Variants in GRIK2 observed in about 807,000 individuals in gnomAD.
The protein encoded by GRIK2 is glutamate receptor ionotropic, kainate 2.
Under a neutral mutation model 100.3 loss-of-function variants are expected in GRIK2, and 32 were observed. That is an observed-to-expected ratio of 0.32 (90% CI 0.24 to 0.43). GRIK2 has a LOEUF of 0.43. Among genes scored for constraint, GRIK2 ranks in the 20% least tolerant of loss-of-function variants. GRIK2 has a pLI of 1.00. For synonymous variants in GRIK2, 417 were observed against 389.4 expected, an observed-to-expected ratio of 1.07 and a Z score of -0.83; for missense variants, 843 against 1,114.9, an observed-to-expected ratio of 0.76 and a Z score of 3.47.
chr6:101,764,134 A>G (rs1777899155), intron 7 of GRIK2, among the ~76,000 whole-genome samples: 2 of 152,120 alleles, frequency 1.3e-5, no homozygotes, highest in Admixed American at 1.3e-4. Flanking sequence ...CTTATATGTC[A>G]GAGAATCTCA....
chr6:102,018,983 G>C (rs1321372830), intron 14 of GRIK2, among the ~76,000 whole-genome samples: 1 of 151,806 alleles, frequency 6.6e-6, no homozygotes, highest in African/African-American at 2.4e-5. Flanking sequence ...TCTGCGAAGG[G>C]GTTTGAAATA....
intron 11 of GRIK2, among the ~76,000 whole-genome samples, chr6:101,884,712 A>G (rs1372131860): frequency 1.3e-5 from 2 of 152,194 alleles, no homozygotes; most frequent in East Asian, 3.8e-4. Context: ...TTTTATTTCT[A>G]GAGTAAGACT....
At chr6:101,972,299 C>T (rs576383833) in intron 14 of GRIK2, among the ~76,000 whole-genome samples, 62 of 152,026 alleles carry the variant, frequency 4.1e-4, no homozygotes, top group African/African-American at 9.4e-4. Flanking sequence ...ACCGTTCTGA[C>T]GGGTGTGAGA....
chr6:102,022,020 A>G (rs957162913), intron 14 of GRIK2, among the ~76,000 whole-genome samples: 2 of 149,990 alleles, frequency 1.3e-5, no homozygotes, highest in Non-Finnish European at 3.0e-5. Flanking sequence ...AGATTTAGAT[A>G]TTAATATAAA....
chr6:101,718,196 C>A (rs540246089), intron 7 of GRIK2, among the ~76,000 whole-genome samples: 1 of 151,902 alleles, frequency 6.6e-6, no homozygotes, highest in East Asian at 1.9e-4. Flanking sequence ...TTTCACTTAT[C>A]TTATTCTAGT....
chr6:101,878,532 A>C (rs909800055), intron 11 of GRIK2, among the ~76,000 whole-genome samples: 1 of 151,970 alleles, frequency 6.6e-6, no homozygotes, highest in Non-Finnish European at 1.5e-5. Flanking sequence ...TCTAAACACA[A>C]TATACCTCAC....
At chr6:101,414,051 A>G (rs1452014648) in intron 2 of GRIK2, among the ~76,000 whole-genome samples, 1 of 129,402 alleles carries the variant, frequency 7.7e-6, no homozygotes, top group Non-Finnish European at 1.7e-5. Context: ...TGGTCTCTGC[A>G]TCAAGAAGGA....
At chr6:102,033,791 G>A (rs1053596622) in intron 14 of GRIK2, among the ~76,000 whole-genome samples, 6 of 151,342 alleles carry the variant, frequency 4.0e-5, no homozygotes, top group Admixed American at 2.6e-4. Context: ...GTGAGTTTAT[G>A]TTTTGTAAAA....
At chr6:101,802,560 ATAGT>A (rs1185978110) in intron 9 of GRIK2, 122 bp downstream of exon 9, 2 of 426,196 alleles carry the variant, frequency 4.7e-6, no homozygotes, top group African/African-American at 4.1e-5. Flanking sequence ...CTAAAAATAA[ATAGT>A]TAATTCATTA....
chr6:101,997,473 T>G (rs1794711348), intron 14 of GRIK2, among the ~76,000 whole-genome samples: 1 of 152,102 alleles, frequency 6.6e-6, no homozygotes, highest in African/African-American at 2.4e-5. Flanking sequence ...TCAATGTGAT[T>G]ATTAATTGTT....
chr6:101,822,942 A>T (rs767082942), intron 10 of GRIK2, among the ~76,000 whole-genome samples: 1 of 152,156 alleles, frequency 6.6e-6, no homozygotes, highest in Non-Finnish European at 1.5e-5. Flanking sequence ...TCAAAATAGC[A>T]TCTTGATTGA....
intron 2 of GRIK2, among the ~76,000 whole-genome samples, chr6:101,574,454 G>A (rs1216099436): frequency 6.7e-6 from 1 of 150,310 alleles, no homozygotes; most frequent in Admixed American, 6.7e-5. Context: ...GAGCACTAAT[G>A]TAAGATTTTA....
intron 11 of GRIK2, among the ~76,000 whole-genome samples, chr6:101,863,431 C>A (rs1262441438): frequency 6.6e-6 from 1 of 152,142 alleles, no homozygotes; most frequent in African/African-American, 2.4e-5. Context: ...CTCCAAAAAG[C>A]TTTTTGTGCC....
chr6:101,615,352 A>G (rs1779843549), intron 2 of GRIK2, among the ~76,000 whole-genome samples: 1 of 151,784 alleles, frequency 6.6e-6, no homozygotes, highest in South Asian at 2.1e-4. Context: ...AGTTCAAGGT[A>G]AGTATGAGAA....
At chr6:101,574,158 G>A (rs1562235685) in intron 2 of GRIK2, among the ~76,000 whole-genome samples, 1 of 150,698 alleles carries the variant, frequency 6.6e-6, no homozygotes, top group African/African-American at 2.4e-5. Flanking sequence ...ATAAATTATA[G>A]GTGTTTATAT....
chr6:101,531,075 A>G (rs1199596268), intron 2 of GRIK2, among the ~76,000 whole-genome samples: 1 of 152,032 alleles, frequency 6.6e-6, no homozygotes, highest in East Asian at 1.9e-4. Flanking sequence ...TAAGCAATTT[A>G]TCAAAAGTTA....
rs541772351 is a variant in GRIK2, at chr6:101,667,720, A to C, written c.542-8903A>C. ...TTATGATTTTTGTTACAAAGCGTGG[A>C]AGGGCTTTGCCATTAATAAAACAAT... On this transcript the variant is annotated intron_variant, in intron 4 of 16. Coordinates refer to ENST00000369134, the MANE Select transcript of GRIK2 (RefSeq NM_021956.5). Among the ~76,000 whole-genome samples, 5 of 152,262 alleles carry C rather than the reference A, an allele frequency of 3.3e-5. No homozygotes were observed. The South Asian group carries it at 1.0e-3, about 32-fold the overall frequency.
At chr6:101,837,491 C>T (rs367623118) in intron 10 of GRIK2, among the ~76,000 whole-genome samples, 1 of 152,104 alleles carries the variant, frequency 6.6e-6, no homozygotes, top group Non-Finnish European at 1.5e-5. Context: ...ATATACCAAA[C>T]ATTGTTTCAT....
intron 4 of GRIK2, among the ~76,000 whole-genome samples, chr6:101,659,198 A>G (rs1289245241): frequency 6.6e-6 from 1 of 152,214 alleles, no homozygotes; most frequent in Non-Finnish European, 1.5e-5. Context: ...TATAAAGAAT[A>G]AGGAAGGGAT....
Sources: gnomAD v4.1 joint callset for allele counts (sites outside exome capture counted in the v4.1 genomes callset) on GRCh38, gnomAD v4.1.1 for gene constraint, MANE v1.5 for transcripts, NCBI Gene and HGNC (gene_info 2026-07-23, HGNC 2026-07-21) for gene names.